KDM5B: variants seen among roughly 807,000 people sequenced by gnomAD.
The protein encoded by KDM5B is lysine-specific demethylase 5B.
In KDM5B, 144 loss-of-function variants were observed where a neutral mutation model predicts 193.4. The ratio of observed to expected loss-of-function variants is 0.74; its 90% CI spans 0.65 to 0.86. The LOEUF (loss-of-function observed/expected upper bound fraction) is 0.86. Ranked by LOEUF, KDM5B falls within the 40% of genes least tolerant of loss-of-function variation. The pLI is 0.00. For synonymous variants in KDM5B, 668 were observed against 682.6 expected (o/e 0.98, Z 0.33); for missense variants, 1,833 against 1,886.9 (o/e 0.97, Z 0.53).
rs1227849896 is a variant in KDM5B, at chr1:202,724,496, TTTG to T, written c.*4537_*4539del. ...TCTCAAAAAAAAAAATCAAATTTCTTTTGTTGTTCAAATTCTTTATGCATTTTA... is the reference window on the plus strand; with the variant it reads ...TCTCAAAAAAAAAAATCAAATTTCTTTTGTTCAAATTCTTTATGCATTTTA... On this transcript the variant is annotated 3_prime_UTR_variant, in exon 27 of 27. Transcript: ENST00000367265. The T allele has an allele frequency of 6.6e-6, 1 of 152,094 alleles. No homozygotes were observed. Among genetic ancestry groups the T allele is most frequent in the African/African-American group, 2.4e-5 (1 of 41,430 alleles). 9.4% of individuals were successfully genotyped at this position (152,094 alleles called of 1,614,324 possible). A position where few individuals can be genotyped will look rare whatever the true frequency, so the allele number is the denominator to read the frequency against.
chr1:202,801,956 C>T (rs1293750839), intron 1 of KDM5B, among the ~76,000 whole-genome samples: 1 of 151,742 alleles, frequency 6.6e-6, no homozygotes, highest in East Asian at 1.9e-4. Flanking sequence ...TGTAGCCCTC[C>T]AGTTCCCAAC....
intron 3 of KDM5B, 44 bp downstream of exon 3, chr1:202,774,569 T>A (rs761880900): frequency 6.4e-7 from 1 of 1,561,636 alleles, no homozygotes; most frequent in Non-Finnish European, 8.8e-7. Context: ...ATTCATTCTG[T>A]CAGTAAGATT....
intron 18 of KDM5B, among the ~76,000 whole-genome samples, chr1:202,741,934 TCTC>T (rs1655359551): frequency 8.0e-6 from 1 of 124,416 alleles, no homozygotes; most frequent in African/African-American, 2.5e-5. Flanking sequence ...GAGGTCACTT[TCTC>T]TTTTTTTTTT....
At chr1:202,742,916 C>T (rs1655405140) in intron 16 of KDM5B, 111 bp from the exon 17 acceptor site, 7 of 843,520 alleles carry the variant, frequency 8.3e-6, no homozygotes, top group Middle Eastern at 3.3e-4. Flanking sequence ...ATGTAACTTA[C>T]AAATGTTTGC....
intron 1 of KDM5B, among the ~76,000 whole-genome samples, chr1:202,795,247 A>T (rs909717943): frequency 7.4e-4 from 68 of 92,500 alleles, no homozygotes; most frequent in Non-Finnish European, 2.9e-5. Context: ...TAATAATAAA[A>T]GTTACATGAA....
intron 7 of KDM5B, among the ~76,000 whole-genome samples, chr1:202,761,255 T>C (rs1188898682): frequency 6.6e-6 from 1 of 151,908 alleles, no homozygotes; most frequent in African/African-American, 2.4e-5. Flanking sequence ...CTGGGCAACA[T>C]GGCGAGACAC....
At chr1:202,748,570 T>TA (rs1387932081) in intron 14 of KDM5B, among the ~76,000 whole-genome samples, 1 of 152,070 alleles carries the variant, frequency 6.6e-6, no homozygotes. Context: ...CCAAATGTTT[T>TA]AAAAAAATAA....
intron 1 of KDM5B, among the ~76,000 whole-genome samples, chr1:202,787,804 C>T (rs768175202): frequency 2.6e-5 from 4 of 151,590 alleles, no homozygotes; most frequent in Admixed American, 6.6e-5. Flanking sequence ...GAGGCAGAAT[C>T]GCTTGAACCC....
intron 14 of KDM5B, chr1:202,746,601 G>A (rs1451178004): frequency 1.0e-5 from 3 of 289,654 alleles, no homozygotes; most frequent in Non-Finnish European, 1.9e-5. Context: ...AAACTACTGA[G>A]ATTAGTTATC....
chr1:202,778,225 C>G (rs72750691), intron 1 of KDM5B, among the ~76,000 whole-genome samples: 12,085 of 152,034 alleles, frequency 0.079, 656 homozygotes, highest in Middle Eastern at 0.12. Flanking sequence ...GACAACTGTT[C>G]TCTAGAGGAG....
chr1:202,807,712 G>A (rs1571468067), intron 1 of KDM5B, among the ~76,000 whole-genome samples: 1 of 136,952 alleles, frequency 7.3e-6, no homozygotes, highest in Non-Finnish European at 1.5e-5. Flanking sequence ...AGCCTGCCGA[G>A]CCTCGCCGGG....
intron 1 of KDM5B, among the ~76,000 whole-genome samples, chr1:202,785,926 A>C (rs1406928561): frequency 9.3e-5 from 14 of 150,348 alleles, no homozygotes; most frequent in Non-Finnish European, 8.9e-5. Flanking sequence ...AAAAAAAAAA[A>C]GTGCCGGTTT....
chr1:202,782,650 C>T (rs1196852652), intron 1 of KDM5B, among the ~76,000 whole-genome samples: 2 of 152,158 alleles, frequency 1.3e-5, no homozygotes, highest in East Asian at 3.9e-4. Flanking sequence ...AGAAACATTG[C>T]GATAATGTTT....
At chr1:202,736,086 G>T in intron 21 of KDM5B, 127 bp downstream of exon 21, 1 of 642,340 alleles carries the variant, frequency 1.6e-6, no homozygotes, top group Non-Finnish European at 2.4e-6. Flanking sequence ...AGTCTCCCTG[G>T]CTTTACGGGA....
At chr1:202,780,277 C>T (rs1657146936) in intron 1 of KDM5B, among the ~76,000 whole-genome samples, 1 of 152,100 alleles carries the variant, frequency 6.6e-6, no homozygotes, top group South Asian at 2.1e-4. Flanking sequence ...AATTGAACAT[C>T]CCGGGTTCAA....
At chr1:202,739,473 TTATTTA>T (rs1655220473) in intron 20 of KDM5B, among the ~76,000 whole-genome samples, 1 of 151,922 alleles carries the variant, frequency 6.6e-6, no homozygotes, top group Non-Finnish European at 1.5e-5. Context: ...ATTTTTATTT[TTATTTA>T]TTTATTTATT....
At chr1:202,755,652 C>T (rs1000616058) in intron 10 of KDM5B, among the ~76,000 whole-genome samples, 200 bp from the exon 11 acceptor site, 1 of 152,180 alleles carries the variant, frequency 6.6e-6, no homozygotes, top group Non-Finnish European at 1.5e-5. Flanking sequence ...ACAGCACATA[C>T]TTCTGTATCT....
chr1:202,803,162 A>G lies in KDM5B; in HGVS notation c.204+4940T>C, dbSNP rs561315862. Among the ~76,000 whole-genome samples the G allele has an allele frequency of 3.9e-5, 6 of 152,290 alleles. No individual in the cohort carries two copies. In the South Asian group the frequency reaches 1.2e-3, roughly 32 times the overall value. ...GATGACAGAGTGAGATTAAAAAAAA[A>G]AGGAAATTTCAGGCCCTGGCTTTTA... is the stretch of plus-strand genomic sequence containing the variant. On this transcript the variant is annotated intron_variant, in intron 1 of 26. Coordinates refer to ENST00000367265, the MANE Select transcript of KDM5B (RefSeq NM_006618.5).
At position 202,756,464 on chromosome 1, in the gene KDM5B, A is replaced by G; in HGVS notation, c.1250T>C (p.Ile417Thr). 1 of 1,613,164 alleles carries G rather than the reference A, an allele frequency of 6.2e-7. No homozygotes were observed. The highest frequency in any genetic ancestry group is 2.2e-5 in the East Asian group (1 of 44,840). ...ATATTCCACTGTGACATCCTCCTCA[A>G]TAGTGCTTACTAGTCTCCAAAATTC... ...EKEFWRLVST[I>T]EEDVTVEYGA... The change falls in exon 10 of 27, where the codon ATT becomes ACT. Residue 417 changes from isoleucine (I) to threonine (T), a missense_variant. Transcript: ENST00000367265.
Sources: gnomAD v4.1 joint callset for allele counts (sites outside exome capture counted in the v4.1 genomes callset) on GRCh38, gnomAD v4.1.1 for gene constraint, MANE v1.5 for transcripts, NCBI Gene and HGNC (gene_info 2026-07-23, HGNC 2026-07-21) for gene names.